The following CFAP61 variants were observed in gnomAD, a reference collection of about 807,000 sequenced individuals.
The protein encoded by CFAP61 is cilia and flagella associated protein 61, also known as cilia- and flagella-associated protein 61.
In CFAP61, 107 loss-of-function variants were observed where a neutral mutation model predicts 135.6. The ratio of observed to expected loss-of-function variants is 0.79; its 90% CI spans 0.67 to 0.93. CFAP61 has a LOEUF of 0.93. Ranked by LOEUF, CFAP61 falls within the 40% of genes least tolerant of loss-of-function variation. CFAP61 has a pLI of 0.00. For missense variants in CFAP61, 1,507 were observed against 1,556.2 expected (o/e 0.97, Z 0.53); for synonymous variants, 575 against 578.5 (o/e 0.99, Z 0.09).
At chr20:20,193,878 T>G (rs1367098702) in intron 15 of CFAP61, among the ~76,000 whole-genome samples, 1 of 152,196 alleles carries the variant, frequency 6.6e-6, no homozygotes, top group Non-Finnish European at 1.5e-5. Context: ...CCTCCCAAAG[T>G]GCTGGGATTA....
rs1047736 is a variant in CFAP61 at position 20,360,613 on chromosome 20, G to A, written c.*203G>A. On this transcript the variant is annotated 3_prime_UTR_variant, in exon 27 of 27. Coordinates refer to ENST00000245957, the MANE Select transcript of CFAP61 (RefSeq NM_015585.4). ...GCACACGGCCGTGTGCCTCTCTTCT[G>A]GGGCAGGCTCGCTTTACAAATCCCA... The A allele has an allele frequency of 3.4e-6, 2 of 584,506 alleles. No individual in the cohort carries two copies. Among genetic ancestry groups the A allele is most frequent in the Non-Finnish European group, 6.0e-6 (2 of 331,798 alleles). The allele number at this position is 584,506 out of a possible 1,614,324, so 36.2% of individuals were successfully genotyped here.
rs748147610 is a variant in CFAP61, at chr20:20,052,552, G to T, written c.-76G>T. Reference sequence around the variant, plus strand: ...TGACCAGGCTGCGCGTCCTCCTTGCGGCAGCGCGTGGAGTGCGGCGTCCTG... The same window carrying T: ...TGACCAGGCTGCGCGTCCTCCTTGCTGCAGCGCGTGGAGTGCGGCGTCCTG... On this transcript the variant is annotated 5_prime_UTR_variant, in exon 1 of 27. Transcript: ENST00000245957. 1 of 1,614,018 alleles carries T rather than the reference G, an allele frequency of 6.2e-7. No individual in the cohort carries two copies. Among genetic ancestry groups the T allele is most frequent in the African/African-American group, 1.3e-5 (1 of 74,940 alleles).
intron 8 of CFAP61, among the ~76,000 whole-genome samples, chr20:20,134,163 A>C (rs572933784): frequency 6.6e-6 from 1 of 152,358 alleles, no homozygotes; most frequent in Non-Finnish European, 1.5e-5. Context: ...CACCTAAGTC[A>C]TCTTGAGAGC....
intron 7 of CFAP61, among the ~76,000 whole-genome samples, chr20:20,094,022 G>T (rs913295477): frequency 1.3e-5 from 2 of 152,122 alleles, no homozygotes; most frequent in Admixed American, 6.5e-5. Context: ...CCAAGGTGCA[G>T]TCCAGGTGGT....
At chr20:20,155,662 G>A (rs1336382688) in intron 9 of CFAP61, among the ~76,000 whole-genome samples, 3 of 151,916 alleles carry the variant, frequency 2.0e-5, no homozygotes, top group Admixed American at 6.6e-5. Context: ...ACAAACATAC[G>A]AAAAAATGCT....
chr20:20,058,109 A>C (rs978280860), intron 2 of CFAP61, among the ~76,000 whole-genome samples: 1 of 152,216 alleles, frequency 6.6e-6, no homozygotes, highest in South Asian at 2.1e-4. Context: ...ATACAATTGA[A>C]ATGTTTAAGC....
intron 21 of CFAP61, among the ~76,000 whole-genome samples, chr20:20,269,960 T>G (rs2053216783): frequency 1.3e-5 from 2 of 152,146 alleles, no homozygotes; most frequent in Admixed American, 1.3e-4. Flanking sequence ...CTGGATAAAA[T>G]GATAAACCCT....
chr20:20,348,007 A>G (rs1657607550), intron 26 of CFAP61, among the ~76,000 whole-genome samples: 1 of 152,066 alleles, frequency 6.6e-6, no homozygotes, highest in Admixed American at 6.5e-5. Flanking sequence ...ACAGAGCTAT[A>G]ACAAGTAAAG....
chr20:20,126,170 A>G (rs1215577577), intron 8 of CFAP61, among the ~76,000 whole-genome samples: 1 of 151,654 alleles, frequency 6.6e-6, no homozygotes, highest in African/African-American at 2.4e-5. Flanking sequence ...CCAGTTCTAT[A>G]TGTTTTAAGC....
At chr20:20,271,779 A>C (rs2053377249) in intron 21 of CFAP61, among the ~76,000 whole-genome samples, 1 of 152,208 alleles carries the variant, frequency 6.6e-6, no homozygotes, top group Non-Finnish European at 1.5e-5. Flanking sequence ...TTGCCATTTG[A>C]AAGTGGGGCA....
At chr20:20,168,703 A>T (rs956317683) in intron 12 of CFAP61, among the ~76,000 whole-genome samples, 1 of 152,230 alleles carries the variant, frequency 6.6e-6, no homozygotes, top group Non-Finnish European at 1.5e-5. Flanking sequence ...CTGTACTGAC[A>T]GGGCAGGCCT....
chr20:20,101,626 A>G (rs945078240), intron 8 of CFAP61, among the ~76,000 whole-genome samples: 8 of 131,112 alleles, frequency 6.1e-5, no homozygotes, highest in African/African-American at 1.8e-4. Flanking sequence ...TTTTATTTTT[A>G]TTATTGTTAT....
At chr20:20,242,046 A>G (rs1468521157) in intron 18 of CFAP61, among the ~76,000 whole-genome samples, 1 of 152,190 alleles carries the variant, frequency 6.6e-6, no homozygotes, top group Non-Finnish European at 1.5e-5. Flanking sequence ...ATATTGAGCT[A>G]TTTTTAAATG....
intron 22 of CFAP61, among the ~76,000 whole-genome samples, chr20:20,285,451 G>A (rs555943978): frequency 2.0e-3 from 296 of 151,652 alleles, no homozygotes; most frequent in Non-Finnish European, 3.8e-3. Flanking sequence ...TTTTTATATT[G>A]TTCCCTGGGG....
In CFAP61 at chr20:20,269,189, A is replaced by ATG. The variant is rs1491268398; in HGVS notation, c.2503+6060_2503+6061insGT. On this transcript the variant is annotated intron_variant, in intron 21 of 26. Coordinates refer to ENST00000245957, the MANE Select transcript of CFAP61 (RefSeq NM_015585.4). ...CATACATATATGTATATACACACAC[A>ATG]TATATACATATATGTATATATACAC... 1.3e-4 allele frequency among the ~76,000 whole-genome samples: 5 copies of ATG among 37,484 alleles called. 1 individual carries two copies. The highest frequency in any genetic ancestry group is 3.8e-4 in the Non-Finnish European group (5 of 13,290). 24.6% of individuals were successfully genotyped at this position (37,484 alleles called of 152,430 possible).
At chr20:20,360,085 AG>A in intron 26 of CFAP61, 124 bp from the exon 27 acceptor site, 2 of 732,264 alleles carry the variant, frequency 2.7e-6, no homozygotes, top group Non-Finnish European at 4.7e-6. Flanking sequence ...AATTTTCAAA[AG>A]CTAGAAAAAA....
At chr20:20,135,039 T>C (rs2146729885) in intron 8 of CFAP61, among the ~76,000 whole-genome samples, 1 of 152,014 alleles carries the variant, frequency 6.6e-6, no homozygotes. Context: ...TCCTGGATTA[T>C]CTAAGGTGCC....
intron 26 of CFAP61, among the ~76,000 whole-genome samples, chr20:20,352,206 G>T (rs2058860843): frequency 2.0e-5 from 3 of 152,118 alleles, no homozygotes; most frequent in Admixed American, 2.0e-4. Flanking sequence ...AAGAGCAAAG[G>T]AGGAACTTCC....
chr20:20,320,356 A>AGATATATATATATTAT (rs1471334110), intron 25 of CFAP61, among the ~76,000 whole-genome samples: 1 of 19,796 alleles, frequency 5.1e-5, no homozygotes, highest in Non-Finnish European at 1.2e-4. Flanking sequence ...TAATATATAT[A>AGATATATATATATTAT]ATATATGTAA....
Sources: allele counts gnomAD v4.1 joint callset (sites outside exome capture counted in the v4.1 genomes callset), GRCh38; gene constraint gnomAD v4.1.1; transcripts MANE v1.5; gene names NCBI Gene and HGNC (gene_info 2026-07-23, HGNC 2026-07-21).